The following PTCHD4 variants were observed in gnomAD, a reference collection of about 807,000 sequenced individuals.
PTCHD4 encodes the protein patched domain-containing protein 4.
Under a neutral mutation model 58.1 loss-of-function variants are expected in PTCHD4, and 33 were observed. The observed-to-expected ratio is 0.57, with a 90% CI of 0.43 to 0.76. The LOEUF (loss-of-function observed/expected upper bound fraction) is 0.76, where lower values mean the gene tolerates loss of function less well. Among genes scored for constraint, PTCHD4 ranks in the 30% least tolerant of loss-of-function variants. The pLI is 0.00. For synonymous variants in PTCHD4, 478 were observed against 409.6 expected, an observed-to-expected ratio of 1.17 and a Z score of -2.02; for missense variants, 1,058 against 1,027.1, an observed-to-expected ratio of 1.03 and a Z score of -0.41.
chr6:48,106,300 C>A (rs1409650347), intron 1 of PTCHD4, among the ~76,000 whole-genome samples: 1 of 152,058 alleles, frequency 6.6e-6, no homozygotes, highest in South Asian at 2.1e-4. Flanking sequence ...GTTCAACATA[C>A]GAAAATCAAT....
intron 4 of PTCHD4, among the ~76,000 whole-genome samples, chr6:47,935,092 T>G (rs148082253): frequency 1.4e-3 from 211 of 152,338 alleles, no homozygotes; most frequent in Middle Eastern, 3.4e-3. Flanking sequence ...TGGGTTTGTG[T>G]GATGGAGTCA....
chr6:47,917,263 A>G (rs1345721362), intron 4 of PTCHD4, among the ~76,000 whole-genome samples: 5 of 152,116 alleles, frequency 3.3e-5, no homozygotes, highest in Admixed American at 6.6e-5. Flanking sequence ...AGAATTAGTC[A>G]TTCATTTTGA....
chr6:48,025,299 A>G (rs566715021), intron 3 of PTCHD4, among the ~76,000 whole-genome samples: 1 of 152,192 alleles, frequency 6.6e-6, no homozygotes, highest in Non-Finnish European at 1.5e-5. Flanking sequence ...TGGGAAATGC[A>G]AATACAATAA....
At chr6:47,890,709 T>G (rs969340855) in intron 4 of PTCHD4, among the ~76,000 whole-genome samples, 1 of 152,072 alleles carries the variant, frequency 6.6e-6, no homozygotes, top group Non-Finnish European at 1.5e-5. Flanking sequence ...CTGAGTTGGC[T>G]TTGTAAGGGG....
intron 3 of PTCHD4, among the ~76,000 whole-genome samples, chr6:48,035,001 A>G (rs1763580192): frequency 1.3e-5 from 2 of 152,136 alleles, no homozygotes; most frequent in African/African-American, 4.8e-5. Flanking sequence ...ATTTCTCATA[A>G]GAGTTGAACC....
intron 4 of PTCHD4, among the ~76,000 whole-genome samples, chr6:47,908,617 A>C (rs1024392951): frequency 7.9e-5 from 12 of 152,276 alleles, no homozygotes; most frequent in East Asian, 7.7e-4. Context: ...TTGTCAATCT[A>C]TTCTGGGCTG....
rs1044287841 is a variant in PTCHD4, at chr6:47,873,337, G to A, written c.*4966C>T. 3.3e-5 allele frequency among the ~76,000 whole-genome samples: 5 copies of A among 151,634 alleles called. No homozygotes were observed. The highest frequency in any genetic ancestry group is 1.2e-4 in the African/African-American group (5 of 41,352). The stretch of plus-strand genomic sequence containing the variant: ...TATCACACCTACTTACAGACATCTT[G>A]ATTTCTGAGATGTGGGCTCATCTCT... On this transcript the variant is annotated 3_prime_UTR_variant, in exon 5 of 5. Coordinates refer to ENST00000339488, the MANE Select transcript of PTCHD4 (RefSeq NM_001384253.1).
intron 4 of PTCHD4, among the ~76,000 whole-genome samples, chr6:47,914,914 T>A (rs12209190): frequency 0.57 from 86,272 of 151,818 alleles, 25,769 homozygotes; most frequent in East Asian, 0.78. Flanking sequence ...AAAGGGAGCA[T>A]GAAAGTGATA....
intron 4 of PTCHD4, among the ~76,000 whole-genome samples, chr6:47,941,573 A>G (rs773808986): frequency 5.3e-5 from 8 of 152,170 alleles, no homozygotes; most frequent in Non-Finnish European, 1.2e-4. Context: ...GCAGAGCCAT[A>G]AAGTAGCAAA....
intron 3 of PTCHD4, among the ~76,000 whole-genome samples, chr6:48,066,173 C>A (rs1186268439): frequency 3.3e-5 from 5 of 151,384 alleles, no homozygotes. Flanking sequence ...AGAGTGAGAA[C>A]TTTGCTTTTC....
At chr6:47,903,989 T>G (rs1764795633) in intron 4 of PTCHD4, among the ~76,000 whole-genome samples, 1 of 152,052 alleles carries the variant, frequency 6.6e-6, no homozygotes, top group Non-Finnish European at 1.5e-5. Context: ...AGAGAAAACC[T>G]CAAGGGCAAA....
chr6:48,068,834 A>C lies in PTCHD4; in HGVS notation c.5+119T>G. 1.8e-6 allele frequency: 1 copy of C among 560,410 alleles called. No individual in the cohort carries two copies. The allele number at this position is 560,410 out of a possible 1,614,324, so 34.7% of individuals were successfully genotyped here. The stretch of plus-strand genomic sequence containing the variant: ...CTACTACTCTTTCAAACACTGCAGC[A>C]AGTTGCAGCAAGGCGGGCAAATACC... On this transcript the variant is annotated intron_variant, in intron 2 of 4. Coordinates refer to ENST00000339488, the MANE Select transcript of PTCHD4 (RefSeq NM_001384253.1). The surrounding 1 kb of genome is among the most constrained non-coding windows in gnomAD (Gnocchi z 4.2).
intron 3 of PTCHD4, among the ~76,000 whole-genome samples, chr6:48,028,215 T>C (rs1763316282): frequency 6.6e-6 from 1 of 152,114 alleles, no homozygotes; most frequent in Non-Finnish European, 1.5e-5. Flanking sequence ...AGTGCTAAGA[T>C]TACAGGCATG....
intron 4 of PTCHD4, among the ~76,000 whole-genome samples, chr6:47,981,800 A>G (rs530563632): frequency 2.6e-5 from 4 of 152,234 alleles, no homozygotes; most frequent in African/African-American, 9.6e-5. Context: ...GGAGGACACA[A>G]ATGGTTTGTG....
chr6:47,985,394 G>T (rs945518639), intron 4 of PTCHD4, among the ~76,000 whole-genome samples: 2 of 152,066 alleles, frequency 1.3e-5, no homozygotes, highest in Non-Finnish European at 2.9e-5. Context: ...TTTTCAGATG[G>T]TAATAAAATT....
chr6:47,969,234 C>T (rs1175370686), intron 4 of PTCHD4, among the ~76,000 whole-genome samples: 1 of 152,132 alleles, frequency 6.6e-6, no homozygotes, highest in Non-Finnish European at 1.5e-5. Context: ...ACATTAGGAG[C>T]CTGTTTTATT....
chr6:47,937,710 T>A (rs750574670), intron 4 of PTCHD4, among the ~76,000 whole-genome samples: 1 of 151,952 alleles, frequency 6.6e-6, no homozygotes, highest in Non-Finnish European at 1.5e-5. Context: ...ACTGCAGAGA[T>A]GAATGGATAT....
intron 4 of PTCHD4, among the ~76,000 whole-genome samples, chr6:48,002,487 T>G (rs560017962): frequency 6.6e-6 from 1 of 152,050 alleles, no homozygotes; most frequent in Non-Finnish European, 1.5e-5. Context: ...GAAACCATCA[T>G]TGTCAGCAAA....
intron 4 of PTCHD4, among the ~76,000 whole-genome samples, chr6:47,998,644 A>C (rs1768595212): frequency 6.6e-6 from 1 of 152,214 alleles, no homozygotes; most frequent in Admixed American, 6.5e-5. Flanking sequence ...AGTGTTGGAC[A>C]GTGCTATATA....
Sources: allele counts gnomAD v4.1 joint callset (sites outside exome capture counted in the v4.1 genomes callset), GRCh38; gene constraint gnomAD v4.1.1; non-coding constraint Gnocchi (gnomAD v3.1); transcripts MANE v1.5; gene names NCBI Gene and HGNC (gene_info 2026-07-23, HGNC 2026-07-21).